The following DIP2B variants were observed in gnomAD, a reference collection of about 807,000 sequenced individuals.
DIP2B encodes disco-interacting protein 2 homolog B.
A neutral mutation model predicts 198.0 loss-of-function variants in DIP2B; 76 were observed. That is an observed-to-expected ratio of 0.38 (90% CI 0.32 to 0.46). DIP2B has a LOEUF of 0.46. Ranked by LOEUF, DIP2B falls within the 20% of genes least tolerant of loss-of-function variation. The pLI, the probability that DIP2B is intolerant of heterozygous loss-of-function variation, is 0.99. For missense variants in DIP2B, 1,559 were observed against 1,978.4 expected, an observed-to-expected ratio of 0.79 and a Z score of 4.02; for synonymous variants, 701 against 739.1, an observed-to-expected ratio of 0.95 and a Z score of 0.84.
At chr12:50,532,909 A>C (rs1284177857) in intron 1 of DIP2B, among the ~76,000 whole-genome samples, 1 of 152,000 alleles carries the variant, frequency 6.6e-6, no homozygotes, top group Admixed American at 6.6e-5. Context: ...AATTAGAGTA[A>C]CTCTTTGTTA....
intron 1 of DIP2B, among the ~76,000 whole-genome samples, chr12:50,607,756 T>A (rs1958996152): frequency 6.6e-6 from 1 of 152,188 alleles, no homozygotes; most frequent in African/African-American, 2.4e-5. Context: ...AACACATCAT[T>A]CCTCACACAG....
At chr12:50,631,164 G>C (rs536573026) in intron 2 of DIP2B, among the ~76,000 whole-genome samples, 8 of 151,122 alleles carry the variant, frequency 5.3e-5, no homozygotes, top group African/African-American at 1.9e-4. Flanking sequence ...TCACTCTGTC[G>C]CCCAGGCTGG....
Position 50,571,779 on chromosome 12 carries a change from C to T in DIP2B, c.101-54197C>T, listed in dbSNP as rs570085830. Among the ~76,000 whole-genome samples, 188 of 151,686 alleles carry T rather than the reference C, an allele frequency of 1.2e-3. 1 individual carries two copies. The highest frequency in any genetic ancestry group is 4.3e-3 in the African/African-American group (177 of 41,354). On this transcript the variant is annotated intron_variant, in intron 1 of 37. Transcript: ENST00000301180. ...ATGTTAGCCAGGATGGTCTCGATCT[C>T]GATCTCTTGACCTCGTGATCCTCCT... is the stretch of plus-strand genomic sequence containing the variant.
intron 1 of DIP2B, among the ~76,000 whole-genome samples, chr12:50,611,053 C>T (rs1959027714): frequency 6.6e-6 from 1 of 152,132 alleles, no homozygotes; most frequent in Non-Finnish European, 1.5e-5. Flanking sequence ...CTACCTTGGC[C>T]TCCTAAAGTG....
intron 1 of DIP2B, among the ~76,000 whole-genome samples, chr12:50,514,179 C>T (rs1162574180): frequency 2.0e-5 from 3 of 151,384 alleles, no homozygotes; most frequent in African/African-American, 7.3e-5. Context: ...GATTCTCCTG[C>T]CTCAGCCTTC....
At chr12:50,513,873 C>CAAAAAAA (rs58479646) in intron 1 of DIP2B, among the ~76,000 whole-genome samples, 7 of 127,128 alleles carry the variant, frequency 5.5e-5, no homozygotes, top group African/African-American at 1.8e-4. Flanking sequence ...GACTCCGTCT[C>CAAAAAAA]AAAAAAAAAA....
At position 50,674,724 on chromosome 12, in the gene DIP2B, A is replaced by G. The variant is rs561212967; in HGVS notation, c.796+95A>G. The G allele has an allele frequency of 4.5e-3, 6,693 of 1,477,052 alleles. 20 individuals are homozygous for G. Among genetic ancestry groups the G allele is most frequent in the Non-Finnish European group, 5.8e-3 (6,253 of 1,079,808 alleles). 91.5% of individuals were successfully genotyped at this position (1,477,052 alleles called of 1,614,324 possible). ...AGCTCCTAACTAGCCCAGCAGCTGC[A>G]GAACTGCATTGTAGTTGGCCCACTA... On this transcript the variant is annotated intron_variant, in intron 6 of 37. Coordinates refer to ENST00000301180, the MANE Select transcript of DIP2B (RefSeq NM_173602.3).
intron 1 of DIP2B, among the ~76,000 whole-genome samples, chr12:50,607,053 T>C (rs1393817185): frequency 6.6e-6 from 1 of 152,046 alleles, no homozygotes; most frequent in Non-Finnish European, 1.5e-5. Context: ...GCAATCTGCC[T>C]GCCTCTGCCT....
chr12:50,635,691 A>G (rs1203508125), intron 2 of DIP2B, among the ~76,000 whole-genome samples: 1 of 152,182 alleles, frequency 6.6e-6, no homozygotes, highest in Non-Finnish European at 1.5e-5. Context: ...CTCTCTCTCA[A>G]GCCTCTAATA....
intron 1 of DIP2B, among the ~76,000 whole-genome samples, chr12:50,571,704 C>T (rs1050375229): frequency 6.6e-6 from 1 of 152,036 alleles, no homozygotes; most frequent in African/African-American, 2.4e-5. Context: ...AGGCGTGTGC[C>T]ACCACGCCTG....
intron 10 of DIP2B, among the ~76,000 whole-genome samples, chr12:50,685,298 C>G (rs1410602788): frequency 6.6e-6 from 1 of 152,108 alleles, no homozygotes. Context: ...TAGACTATAT[C>G]TTTTGTTGTT....
chr12:50,695,215 T>C (rs1423030892), intron 14 of DIP2B, 52 bp from the exon 15 acceptor site: 2 of 1,466,682 alleles, frequency 1.4e-6, no homozygotes, highest in East Asian at 2.3e-5. Flanking sequence ...AATTTTAAAA[T>C]ACTAAGTATG....
At chr12:50,511,021 C>T (rs1305714427) in intron 1 of DIP2B, among the ~76,000 whole-genome samples, 1 of 149,180 alleles carries the variant, frequency 6.7e-6, no homozygotes, top group African/African-American at 2.5e-5. Context: ...TCTCGGCTCA[C>T]TGCAACCTCT....
At position 50,646,363 on chromosome 12, in the gene DIP2B, C is replaced by A. The variant is rs150225655; in HGVS notation, c.301+5511C>A. Among the ~76,000 whole-genome samples the A allele has an allele frequency of 7.1e-3, 1,078 of 151,586 alleles. 16 individuals carry two copies. The highest frequency in any genetic ancestry group is 0.025 in the African/African-American group (1,039 of 41,280). ...GTCTGGAGCTCCTGACCTCGTGATCCGCCTGCCTTGACCTACCAAAGTGCT... is the reference window on the plus strand; with the variant it reads ...GTCTGGAGCTCCTGACCTCGTGATCAGCCTGCCTTGACCTACCAAAGTGCT... On this transcript the variant is annotated intron_variant, in intron 3 of 37. Coordinates refer to ENST00000301180, the MANE Select transcript of DIP2B (RefSeq NM_173602.3).
At chr12:50,729,974 C>T (rs924244343) in intron 30 of DIP2B, among the ~76,000 whole-genome samples, 3 of 152,096 alleles carry the variant, frequency 2.0e-5, no homozygotes, top group South Asian at 2.1e-4. Context: ...CCGCCTGCCT[C>T]GACCTCCCAA....
At chr12:50,710,004 T>C (rs141413502) in intron 22 of DIP2B, among the ~76,000 whole-genome samples, 185 of 152,292 alleles carry the variant, frequency 1.2e-3, no homozygotes, top group Non-Finnish European at 2.3e-3. Flanking sequence ...ATTGTAAGAA[T>C]AGTCTCCAAT....
At chr12:50,741,364 G>T in intron 36 of DIP2B, 52 bp from the exon 37 acceptor site, 1 of 1,592,138 alleles carries the variant, frequency 6.3e-7, no homozygotes, top group Non-Finnish European at 8.5e-7. Context: ...CCAGTGTTAT[G>T]TTGCACTCAG....
At chr12:50,623,922 A>G (rs369592344) in intron 1 of DIP2B, among the ~76,000 whole-genome samples, 14 of 152,292 alleles carry the variant, frequency 9.2e-5, no homozygotes, top group Admixed American at 7.2e-4. Context: ...ACATTGTCAC[A>G]TGTCTCCTGG....
chr12:50,705,175 A>G (rs551406130), intron 20 of DIP2B, among the ~76,000 whole-genome samples: 3 of 152,190 alleles, frequency 2.0e-5, no homozygotes, highest in Middle Eastern at 3.2e-3. Flanking sequence ...AGCTAAGCCC[A>G]TATTACTCCA....
Sources: allele counts gnomAD v4.1 joint callset (sites outside exome capture counted in the v4.1 genomes callset), GRCh38; gene constraint gnomAD v4.1.1; transcripts MANE v1.5; gene names NCBI Gene and HGNC (gene_info 2026-07-23, HGNC 2026-07-21).